LRCH1: variants seen among roughly 807,000 people sequenced by gnomAD.
LRCH1 encodes leucine rich repeats and calponin homology domain containing 1.
In LRCH1, 23 loss-of-function variants were observed where a neutral mutation model predicts 94.9. The ratio of observed to expected loss-of-function variants is 0.24; its 90% confidence interval spans 0.17 to 0.34. The LOEUF (loss-of-function observed/expected upper bound fraction) is 0.34, where lower values mean the gene tolerates loss of function less well. Among genes scored for constraint, LRCH1 ranks in the 10% least tolerant of loss-of-function variants. LRCH1 has a pLI of 1.00. For synonymous variants in LRCH1, 364 were observed against 354.9 expected (o/e 1.03, Z -0.29); for missense variants, 790 against 945.9 (o/e 0.84, Z 2.16).
intron 1 of LRCH1, among the ~76,000 whole-genome samples, chr13:46,604,635 G>C (rs1248078067): frequency 1.3e-5 from 2 of 152,198 alleles, no homozygotes; most frequent in African/African-American, 4.8e-5. Context: ...CTCAGCCTCT[G>C]ATGTTCTACA....
chr13:46,602,978 GCATACATACATA>G (rs35011134), intron 1 of LRCH1, among the ~76,000 whole-genome samples: 1 of 149,818 alleles, frequency 6.7e-6, no homozygotes, highest in Non-Finnish European at 1.5e-5. Context: ...ATACATGCAT[GCATACATACATA>G]CATACATACA....
At chr13:46,693,734 C>T (rs1481080122) in intron 8 of LRCH1, among the ~76,000 whole-genome samples, 1 of 152,124 alleles carries the variant, frequency 6.6e-6, no homozygotes, top group African/African-American at 2.4e-5. Flanking sequence ...GGTTGGAAGC[C>T]CTCATTGGGT....
chr13:46,737,659 G>A (rs1014329358), intron 19 of LRCH1, among the ~76,000 whole-genome samples: 11 of 152,110 alleles, frequency 7.2e-5, no homozygotes, highest in Non-Finnish European at 1.5e-4. Context: ...TATTTTCTGC[G>A]TCACCTAAGA....
chr13:46,628,066 C>T (rs7330745), intron 1 of LRCH1, among the ~76,000 whole-genome samples: 9,786 of 152,102 alleles, frequency 0.064, 329 homozygotes, highest in South Asian at 0.1. Flanking sequence ...TTGGGACCAA[C>T]CACTCTAAAT....
At chr13:46,718,462 G>T (rs943068408) in intron 16 of LRCH1, among the ~76,000 whole-genome samples, 4 of 152,118 alleles carry the variant, frequency 2.6e-5, no homozygotes, top group African/African-American at 4.8e-5. Flanking sequence ...AGTCACTTAG[G>T]CCCCATAGTC....
At chr13:46,703,710 T>G (rs1871606510) in intron 11 of LRCH1, among the ~76,000 whole-genome samples, 1 of 152,162 alleles carries the variant, frequency 6.6e-6, no homozygotes, top group African/African-American at 2.4e-5. Flanking sequence ...TTTTTTAAAG[T>G]TTCTAGTGAT....
At chr13:46,639,970 C>T (rs2138061449) in intron 1 of LRCH1, among the ~76,000 whole-genome samples, 1 of 152,354 alleles carries the variant, frequency 6.6e-6, no homozygotes, top group African/African-American at 2.4e-5. Flanking sequence ...ACTCCAGACA[C>T]TGCTAACTGC....
intron 13 of LRCH1, among the ~76,000 whole-genome samples, chr13:46,711,479 C>T (rs188281740): frequency 6.6e-6 from 1 of 152,206 alleles, no homozygotes; most frequent in African/African-American, 2.4e-5. Flanking sequence ...TGGGAACCAG[C>T]AGGCAGCTTG....
At chr13:46,677,255 C>CAAAAAAAAAAAAAAAAAAAAA (rs67827727) in intron 3 of LRCH1, among the ~76,000 whole-genome samples, 2 of 98,076 alleles carry the variant, frequency 2.0e-5, no homozygotes, top group Non-Finnish European at 2.1e-5. Context: ...ACTAAAAATA[C>CAAAAAAAAAAAAAAAAAAAAA]AAAAAAAAAA....
intron 2 of LRCH1, among the ~76,000 whole-genome samples, chr13:46,658,723 CACCTACCTCAG>C (rs1363710366): frequency 2.9e-4 from 44 of 152,304 alleles, no homozygotes; most frequent in African/African-American, 1.1e-3. Flanking sequence ...ACAAGTGATC[CACCTACCTCAG>C]ACTCCCAAAG....
intron 2 of LRCH1, among the ~76,000 whole-genome samples, chr13:46,664,870 C>T (rs1436923340): frequency 6.6e-6 from 1 of 152,130 alleles, no homozygotes; most frequent in Admixed American, 6.5e-5. Flanking sequence ...CAAATCATCT[C>T]TATGGTATTT....
intron 4 of LRCH1, among the ~76,000 whole-genome samples, chr13:46,683,307 A>G (rs1184203432): frequency 6.6e-6 from 1 of 152,196 alleles, no homozygotes; most frequent in African/African-American, 2.4e-5. Flanking sequence ...TGGGAGGTTC[A>G]AGTCCGCTTG....
intron 1 of LRCH1, among the ~76,000 whole-genome samples, chr13:46,568,041 G>A (rs1218638591): frequency 6.6e-6 from 1 of 152,110 alleles, no homozygotes; most frequent in Admixed American, 6.5e-5. Flanking sequence ...TTCTCTCCTT[G>A]GGCAGTCTGT....
chr13:46,642,443 T>C (rs1191045591), intron 1 of LRCH1, among the ~76,000 whole-genome samples: 3 of 152,176 alleles, frequency 2.0e-5, no homozygotes, highest in African/African-American at 7.2e-5. Context: ...TGCCTGCACG[T>C]GATTGGGAAT....
intron 1 of LRCH1, among the ~76,000 whole-genome samples, chr13:46,645,789 TC>T: frequency 1.3e-5 from 2 of 152,340 alleles, no homozygotes; most frequent in East Asian, 3.9e-4. Flanking sequence ...ACTATTTTCT[TC>T]TTGCTTAAAG....
Position 46,618,623 on chromosome 13 carries a change from T to C in LRCH1, c.308-31578T>C, listed in dbSNP as rs180709242. Among the ~76,000 whole-genome samples, 665 of 152,354 alleles carry C rather than the reference T, an allele frequency of 4.4e-3. 3 individuals are homozygous for C. Among genetic ancestry groups the C allele is most frequent in the South Asian group, 0.019 (93 of 4,822 alleles). ...TTGACCTGGAAAATGACGTTGAGAATTGGACGTTACACTACAATGTAGTCC... is the reference window on the plus strand; with the variant it reads ...TTGACCTGGAAAATGACGTTGAGAACTGGACGTTACACTACAATGTAGTCC... On this transcript the variant is annotated intron_variant, in intron 1 of 19. Transcript: ENST00000389797.
chr13:46,651,604 T>TG (rs1335415452), intron 2 of LRCH1, among the ~76,000 whole-genome samples: 4 of 148,770 alleles, frequency 2.7e-5, no homozygotes, highest in African/African-American at 5.0e-5. Context: ...GAGGTTGCGG[T>TG]GAGCCAAGAT....
chr13:46,611,671 A>G (rs572886757), intron 1 of LRCH1, among the ~76,000 whole-genome samples: 212 of 152,348 alleles, frequency 1.4e-3, no homozygotes, highest in African/African-American at 4.8e-3. Context: ...AATACATGCT[A>G]TATTTCAAAG....
chr13:46,632,469 T>A (rs1250531407), intron 1 of LRCH1, among the ~76,000 whole-genome samples: 2 of 152,236 alleles, frequency 1.3e-5, no homozygotes, highest in East Asian at 3.8e-4. Flanking sequence ...TCATCATTTT[T>A]ATGTCCACTT....
Sources: gnomAD v4.1 joint callset for allele counts (sites outside exome capture counted in the v4.1 genomes callset) on GRCh38, gnomAD v4.1.1 for gene constraint, MANE v1.5 for transcripts, NCBI Gene and HGNC (gene_info 2026-07-23, HGNC 2026-07-21) for gene names.